Variants in AFAP1 observed in about 807,000 individuals in gnomAD.
AFAP1 encodes the protein actin filament-associated protein 1.
AFAP1 carries 75 observed loss-of-function variants against 93.9 expected under a neutral mutation model. The observed-to-expected ratio is 0.80, with a 90% confidence interval of 0.66 to 0.97. The LOEUF (loss-of-function observed/expected upper bound fraction) is 0.97. AFAP1 is among the 50% of genes least tolerant of loss of function. The pLI is 0.00. For missense variants in AFAP1, 1,201 were observed against 1,050.8 expected, an observed-to-expected ratio of 1.14 and a Z score of -1.98; for synonymous variants, 517 against 430.7, an observed-to-expected ratio of 1.20 and a Z score of -2.48.
intron 3 of AFAP1, among the ~76,000 whole-genome samples, chr4:7,860,804 G>A (rs1715585974): frequency 6.6e-6 from 1 of 152,154 alleles, no homozygotes; most frequent in Admixed American, 6.5e-5. Context: ...CACGGGTCCA[G>A]ACCTTTTGCT....
intron 14 of AFAP1, chr4:7,776,172 C>T (rs994223957): frequency 1.3e-5 from 2 of 152,176 alleles, no homozygotes; most frequent in African/African-American, 4.8e-5. Flanking sequence ...GACTGCACAC[C>T]CCAAGTGTCT....
intron 1 of AFAP1, among the ~76,000 whole-genome samples, chr4:7,887,136 G>A (rs894988250): frequency 3.9e-5 from 6 of 152,206 alleles, no homozygotes; most frequent in African/African-American, 1.4e-4. Context: ...ATGAACTGGT[G>A]GAGTGGGAGA....
At chr4:7,930,627 A>C (rs1022289003) in intron 1 of AFAP1, among the ~76,000 whole-genome samples, 1 of 152,224 alleles carries the variant, frequency 6.6e-6, no homozygotes, top group African/African-American at 2.4e-5. Context: ...CAGGAATTGA[A>C]ACCTAAGACC....
rs1403681229 is a variant in AFAP1, at chr4:7,761,167, G to C, written c.*2598C>G. 3.3e-5 allele frequency: 5 copies of C among 152,180 alleles called. No individual in the cohort carries two copies. The highest frequency in any genetic ancestry group is 1.2e-4 in the African/African-American group (5 of 41,452). 9.4% of individuals were successfully genotyped at this position (152,180 alleles called of 1,614,324 possible). A position where few individuals can be genotyped will look rare whatever the true frequency, so the allele number is the denominator to read the frequency against. On this transcript the variant is annotated 3_prime_UTR_variant, in exon 18 of 18. Coordinates refer to ENST00000420658, the MANE Select transcript of AFAP1 (RefSeq NM_001134647.2). ...ATATAAATTAAAAACTATATTTATT[G>C]AACATATACACATAAATAACTTATT...
At chr4:7,885,164 C>G (rs1037044455) in intron 1 of AFAP1, among the ~76,000 whole-genome samples, 1 of 152,218 alleles carries the variant, frequency 6.6e-6, no homozygotes, top group African/African-American at 2.4e-5. Flanking sequence ...TTCTCAGTGA[C>G]TTCTCCGGAT....
chr4:7,824,442 C>G (rs1032709247), intron 6 of AFAP1, among the ~76,000 whole-genome samples: 1 of 151,262 alleles, frequency 6.6e-6, no homozygotes, highest in Admixed American at 6.6e-5. Context: ...CACACACACA[C>G]AGAGACAGTC....
At chr4:7,868,776 C>CA (rs34264380) in intron 2 of AFAP1, 57 bp from the exon 3 acceptor site, 144,406 of 1,473,452 alleles carry the variant, frequency 0.098, 8,100 homozygotes, top group African/African-American at 0.24. Context: ...AGAAGGGTAC[C>CA]ACTAGCATCT....
intron 4 of AFAP1, among the ~76,000 whole-genome samples, chr4:7,847,481 C>T (rs28658400): frequency 0.15 from 23,488 of 151,948 alleles, 3,116 homozygotes; most frequent in African/African-American, 0.36. Context: ...GTATGCTTAG[C>T]GATGACCCAA....
rs555161254 is a variant in AFAP1 at position 7,889,255 on chromosome 4, T to C, written c.-2-17175A>G. Among the ~76,000 whole-genome samples the C allele has an allele frequency of 7.9e-5, 12 of 151,732 alleles. No homozygotes were observed. In the East Asian group the frequency reaches 2.1e-3, roughly 27 times the overall value. On this transcript the variant is annotated intron_variant, in intron 1 of 17. Transcript: ENST00000420658. The stretch of plus-strand genomic sequence containing the variant: ...TACTAAAATGAGGAATACAGGGGGG[T>C]TGTTTTCTAGTAAATCTAATAAAAG...
At chr4:7,832,229 A>C (rs943889008) in intron 6 of AFAP1, among the ~76,000 whole-genome samples, 4 of 152,132 alleles carry the variant, frequency 2.6e-5, no homozygotes, top group African/African-American at 9.7e-5. Flanking sequence ...AGAAACTTCC[A>C]ATCACAGGAC....
At chr4:7,778,564 A>C (rs1414773179) in intron 14 of AFAP1, 198 bp downstream of exon 14, 2 of 624,762 alleles carry the variant, frequency 3.2e-6, no homozygotes, top group East Asian at 5.5e-5. Context: ...CTGGGCTTCA[A>C]TTTACAAGCA....
chr4:7,773,221 C>T, intron 15 of AFAP1: 1 of 726,584 alleles, frequency 1.4e-6, no homozygotes, highest in Non-Finnish European at 2.1e-6. Flanking sequence ...CCGTTGAGGA[C>T]TCGGACCAGG....
intron 9 of AFAP1, among the ~76,000 whole-genome samples, chr4:7,807,719 C>A (rs1719650058): frequency 6.6e-6 from 1 of 152,250 alleles, no homozygotes. Flanking sequence ...TCTGCCCAGA[C>A]AACTTCATTG....
rs1452589188 is a variant in AFAP1, at chr4:7,774,856, TGGC to T, written c.1942_1944del (p.Ala648del). On this transcript the variant is annotated inframe_deletion, in exon 15 of 18. Transcript: ENST00000420658. ...TCCTCCTCTTTGGTCTGTAGCCGCT[TGGC>T]ATCTGCTTCTACCCGGTTCTTGCCA... is the stretch of plus-strand genomic sequence containing the variant. 1 of 1,614,196 alleles carries T rather than the reference TGGC, an allele frequency of 6.2e-7. No individual in the cohort carries two copies. The highest frequency in any genetic ancestry group is 1.1e-5 in the South Asian group (1 of 91,080).
At chr4:7,860,265 T>TTGTG (rs572302681) in intron 3 of AFAP1, among the ~76,000 whole-genome samples, 12 of 151,532 alleles carry the variant, frequency 7.9e-5, no homozygotes, top group East Asian at 4.0e-4. Flanking sequence ...GATTTTGATT[T>TTGTG]TGTGTGTGTG....
intron 1 of AFAP1, among the ~76,000 whole-genome samples, chr4:7,900,982 G>C (rs1015403722): frequency 6.6e-6 from 1 of 152,166 alleles, no homozygotes; most frequent in Admixed American, 6.5e-5. Context: ...TTGGGCTAGG[G>C]AATCTGTTGC....
chr4:7,908,729 A>G (rs1025897488), intron 1 of AFAP1, among the ~76,000 whole-genome samples: 1 of 152,222 alleles, frequency 6.6e-6, no homozygotes, highest in African/African-American at 2.4e-5. Flanking sequence ...TAGATTGATG[A>G]GAGAGCTAAG....
chr4:7,781,243 T>C (rs1260138295), intron 13 of AFAP1, 133 bp downstream of exon 13: 18 of 1,168,202 alleles, frequency 1.5e-5, no homozygotes, highest in African/African-American at 4.7e-5. Context: ...CTGCAAATTA[T>C]ATTCTAGTTG....
intron 1 of AFAP1, among the ~76,000 whole-genome samples, chr4:7,872,765 A>T (rs995815228): frequency 6.6e-6 from 1 of 152,156 alleles, no homozygotes. Context: ...CCCGAGGCCC[A>T]AACTATTTTC....
Sources: gnomAD v4.1 joint callset for allele counts (sites outside exome capture counted in the v4.1 genomes callset) on GRCh38, gnomAD v4.1.1 for gene constraint, MANE v1.5 for transcripts, NCBI Gene and HGNC (gene_info 2026-07-23, HGNC 2026-07-21) for gene names.